Variants in ERGIC1 observed in about 807,000 individuals in gnomAD.
ERGIC1 encodes endoplasmic reticulum-Golgi intermediate compartment protein 1.
Under a neutral mutation model 38.3 loss-of-function variants are expected in ERGIC1, and 19 were observed. That is an observed-to-expected ratio of 0.50 (90% CI 0.35 to 0.73). ERGIC1 has a LOEUF of 0.73. ERGIC1 is among the 30% of genes least tolerant of loss of function. ERGIC1 has a pLI of 0.01. For missense variants in ERGIC1, 294 were observed against 389.2 expected (o/e 0.76, Z 2.06); for synonymous variants, 124 against 157.6 (o/e 0.79, Z 1.60).
At chr5:172,918,041 C>T (rs980730292) in intron 5 of ERGIC1, 2 of 152,212 alleles carry the variant, frequency 1.3e-5, no homozygotes, top group Non-Finnish European at 1.5e-5. Flanking sequence ...CTTGTAGTCA[C>T]AGCTACTCGG....
At chr5:172,924,142 G>T in intron 6 of ERGIC1, 33 bp downstream of exon 6, 1 of 1,603,874 alleles carries the variant, frequency 6.2e-7, no homozygotes, top group South Asian at 1.1e-5. Flanking sequence ...GGCATGGCCG[G>T]GGGTGGGCCT....
chr5:172,927,579 C>CTTTTT (rs35565131), intron 7 of ERGIC1, among the ~76,000 whole-genome samples: 2 of 131,306 alleles, frequency 1.5e-5, no homozygotes, highest in Non-Finnish European at 1.6e-5. Flanking sequence ...CTCTGCTGTG[C>CTTTTT]TTTTTTTTTT....
intron 6 of ERGIC1, among the ~76,000 whole-genome samples, chr5:172,925,715 T>C (rs1246680616): frequency 6.6e-6 from 1 of 152,126 alleles, no homozygotes; most frequent in Non-Finnish European, 1.5e-5. Context: ...CTTCCCACTT[T>C]CCTCCAGATC....
At chr5:172,845,581 C>T (rs556056564) in intron 1 of ERGIC1, among the ~76,000 whole-genome samples, 43 of 152,344 alleles carry the variant, frequency 2.8e-4, no homozygotes, top group African/African-American at 1.0e-3. Context: ...AAACAGACAA[C>T]CCCTGCCCTG....
rs1009736929 is a variant in ERGIC1 at position 172,837,488 on chromosome 5, T to A, written c.20+3055T>A. 3.3e-5 allele frequency among the ~76,000 whole-genome samples: 5 copies of A among 152,196 alleles called. No homozygotes were observed. The highest frequency in any genetic ancestry group is 1.2e-4 in the African/African-American group (5 of 41,450). ...ACATGAGCTCCTGAGGGCAAGAAGT[T>A]TTTATCAGGCTTCTTCAAGGTTGCA... On this transcript the variant is annotated intron_variant, in intron 1 of 9. Coordinates refer to ENST00000393784, the MANE Select transcript of ERGIC1 (RefSeq NM_001031711.3). This position sits in a 1 kb window ranked among gnomAD's most constrained non-coding sequence, Gnocchi z 4.3.
At chr5:172,942,020 G>T (rs1764021006) in intron 9 of ERGIC1, among the ~76,000 whole-genome samples, 2 of 152,108 alleles carry the variant, frequency 1.3e-5, no homozygotes, top group Non-Finnish European at 2.9e-5. Flanking sequence ...GCCTAACATG[G>T]TGAAACCCCG....
intron 9 of ERGIC1, chr5:172,937,245 C>G (rs1763905415): frequency 6.6e-6 from 1 of 152,126 alleles, no homozygotes; most frequent in Admixed American, 6.6e-5. Flanking sequence ...TCCTACAGAT[C>G]AGTAAGAAAA....
At chr5:172,912,243 G>A (rs1763224882) in intron 4 of ERGIC1, among the ~76,000 whole-genome samples, 1 of 152,138 alleles carries the variant, frequency 6.6e-6, no homozygotes, top group African/African-American at 2.4e-5. Flanking sequence ...TAGCAGAATG[G>A]CTGAAGGGTG....
chr5:172,851,307 A>G (rs1761399451), intron 1 of ERGIC1, among the ~76,000 whole-genome samples: 1 of 151,716 alleles, frequency 6.6e-6, no homozygotes, highest in Non-Finnish European at 1.5e-5. Context: ...TCAGGAGTTC[A>G]AGACCAGCCT....
At chr5:172,909,131 C>T (rs1763138531) in intron 3 of ERGIC1, among the ~76,000 whole-genome samples, 1 of 149,952 alleles carries the variant, frequency 6.7e-6, no homozygotes, top group Non-Finnish European at 1.5e-5. Context: ...GCTATCTGAC[C>T]CCACCCCTTC....
At chr5:172,940,524 T>A (rs1440537881) in intron 9 of ERGIC1, among the ~76,000 whole-genome samples, 1 of 151,948 alleles carries the variant, frequency 6.6e-6, no homozygotes, top group African/African-American at 2.4e-5. Context: ...GCTTCAGAGG[T>A]GTCAGATCTC....
chr5:172,923,905 C>G, intron 5 of ERGIC1, 100 bp from the exon 6 acceptor site: 1 of 1,047,772 alleles, frequency 9.5e-7, no homozygotes, highest in Non-Finnish European at 1.5e-6. Context: ...CCAGATCTGC[C>G]TGATTCCAGT....
intron 1 of ERGIC1, among the ~76,000 whole-genome samples, chr5:172,863,345 A>G (rs1761767310): frequency 6.6e-6 from 1 of 152,234 alleles, no homozygotes; most frequent in Admixed American, 6.5e-5. Flanking sequence ...ATGAGAATTG[A>G]AAGAAAAGTG....
At chr5:172,855,209 A>G (rs1761515207) in intron 1 of ERGIC1, among the ~76,000 whole-genome samples, 1 of 152,186 alleles carries the variant, frequency 6.6e-6, no homozygotes, top group African/African-American at 2.4e-5. Flanking sequence ...GGTGGGAACA[A>G]TGACGCTGGT....
At chr5:172,914,605 C>G (rs1763305135) in intron 4 of ERGIC1, 109 bp from the exon 5 acceptor site, 1 of 1,588,602 alleles carries the variant, frequency 6.3e-7, no homozygotes, top group Admixed American at 1.7e-5. Flanking sequence ...GGTCCCCAGC[C>G]CGGCCTGCCC....
At chr5:172,910,751 C>G (rs938823086) in intron 4 of ERGIC1, among the ~76,000 whole-genome samples, 1 of 152,064 alleles carries the variant, frequency 6.6e-6, no homozygotes, top group African/African-American at 2.4e-5. Context: ...TCTCGAACTC[C>G]TGACCTCAGG....
In ERGIC1 at chr5:172,909,684, T is replaced by A; in HGVS notation, c.173T>A (p.Val58Asp). The change falls in exon 4 of 10, where the codon GTC becomes GAC. Residue 58 changes from valine to aspartate, a missense_variant. Coordinates refer to ENST00000393784, the MANE Select transcript of ERGIC1 (RefSeq NM_001031711.3). ...ITTEVVNELY[V>D]DDPDKDSGGK... ...TCCCCTAGTGTGAACGAGCTCTATGTCGATGACCCAGACAAGGACAGCGGT... is the reference window on the plus strand; with the variant it reads ...TCCCCTAGTGTGAACGAGCTCTATGACGATGACCCAGACAAGGACAGCGGT... The A allele has an allele frequency of 6.2e-7, 1 of 1,614,238 alleles. No homozygotes were observed. Among genetic ancestry groups the A allele is most frequent in the Non-Finnish European group, 8.5e-7 (1 of 1,180,040 alleles).
intron 5 of ERGIC1, among the ~76,000 whole-genome samples, chr5:172,919,864 A>G (rs567641718): frequency 1.2e-4 from 18 of 152,148 alleles, no homozygotes; most frequent in Admixed American, 1.1e-3. Context: ...GGAGTCTTTG[A>G]AAGGCTCACA....
At chr5:172,885,688 C>T (rs1161350943) in intron 1 of ERGIC1, among the ~76,000 whole-genome samples, 1 of 152,058 alleles carries the variant, frequency 6.6e-6, no homozygotes, top group Admixed American at 6.6e-5. Context: ...GGACGAGACC[C>T]CTCCCGCTGC....
Sources: gnomAD v4.1 joint callset for allele counts (sites outside exome capture counted in the v4.1 genomes callset) on GRCh38, gnomAD v4.1.1 for gene constraint, Gnocchi (gnomAD v3.1) non-coding constraint, MANE v1.5 for transcripts, NCBI Gene and HGNC (gene_info 2026-07-23, HGNC 2026-07-21) for gene names.